RBFOX1: variants seen among roughly 807,000 people sequenced by gnomAD.
RBFOX1 encodes RNA binding protein fox-1 homolog 1.
Under a neutral mutation model 57.7 loss-of-function variants are expected in RBFOX1, and 8 were observed. The ratio of observed to expected loss-of-function variants is 0.14; its 90% CI spans 0.08 to 0.25. The LOEUF (loss-of-function observed/expected upper bound fraction) is 0.25. Among genes scored for constraint, RBFOX1 ranks in the 10% least tolerant of loss-of-function variants. The pLI, the probability that RBFOX1 is intolerant of heterozygous loss-of-function variation, is 1.00. For missense variants in RBFOX1, 611 were observed against 548.5 expected, an observed-to-expected ratio of 1.11 and a Z score of -1.14; for synonymous variants, 326 against 222.4, an observed-to-expected ratio of 1.47 and a Z score of -4.15.
chr16:5,837,834 C>A (rs910471789), intron 3 of RBFOX1, among the ~76,000 whole-genome samples: 2 of 152,078 alleles, frequency 1.3e-5, no homozygotes, highest in Non-Finnish European at 2.9e-5. Flanking sequence ...TAGTATTGAC[C>A]ATGCTTGGTG....
upstream of RBFOX1, among the ~76,000 whole-genome samples, chr16:6,014,323 G>A (rs893848985): frequency 6.6e-6 from 1 of 152,038 alleles, no homozygotes. Context: ...GGCAGGAGAG[G>A]AAAAGGAATG....
chr16:6,323,548 T>C (rs942828570), intron 2 of RBFOX1, among the ~76,000 whole-genome samples: 1 of 152,198 alleles, frequency 6.6e-6, no homozygotes, highest in Admixed American at 6.5e-5. Flanking sequence ...ACACTCTTTG[T>C]ACTTTCAAAT....
At chr16:6,808,255 G>GC (rs1216980606) in intron 3 of RBFOX1, among the ~76,000 whole-genome samples, 1 of 150,892 alleles carries the variant, frequency 6.6e-6, no homozygotes, top group African/African-American at 2.4e-5. Context: ...TTCTACTGAT[G>GC]CCCCATCACT....
At chr16:6,585,630 A>G (rs983148968) in intron 2 of RBFOX1, among the ~76,000 whole-genome samples, 16 of 152,156 alleles carry the variant, frequency 1.1e-4, no homozygotes, top group Non-Finnish European at 2.2e-4. Context: ...GGTTAGATCA[A>G]TGACATAGAC....
intron 1 of RBFOX1, among the ~76,000 whole-genome samples, chr16:6,082,996 GTGTT>G (rs753284977): frequency 9.0e-6 from 1 of 111,648 alleles, no homozygotes; most frequent in South Asian, 3.3e-4. Context: ...TTTTGTTTGT[GTGTT>G]TGTTTGTTTG....
intron 1 of RBFOX1, among the ~76,000 whole-genome samples, chr16:6,230,033 A>C (rs2097446945): frequency 6.6e-6 from 1 of 152,186 alleles, no homozygotes; most frequent in Admixed American, 6.5e-5. Context: ...ATCTCCTTTT[A>C]AGTCAAGACT....
At chr16:7,498,465 C>G (rs548510620) in intron 4 of RBFOX1, among the ~76,000 whole-genome samples, 2 of 151,370 alleles carry the variant, frequency 1.3e-5, no homozygotes, top group Non-Finnish European at 2.9e-5. Context: ...TTTATACTTT[C>G]TGGTAGCCAT....
At chr16:6,919,296 A>G (rs111916335) in intron 3 of RBFOX1, among the ~76,000 whole-genome samples, 2 of 152,090 alleles carry the variant, frequency 1.3e-5, no homozygotes, top group Admixed American at 6.6e-5. Flanking sequence ...CCCAAGAGGT[A>G]ATGTTTCTTG....
intron 4 of RBFOX1, among the ~76,000 whole-genome samples, chr16:7,110,203 AAG>A (rs2064438559): frequency 6.7e-6 from 1 of 150,002 alleles, no homozygotes; most frequent in East Asian, 2.0e-4. Context: ...AAAAAAAAAA[AAG>A]AAAAAATAGC....
chr16:7,322,467 T>A (rs2096558003), intron 4 of RBFOX1, among the ~76,000 whole-genome samples: 1 of 152,248 alleles, frequency 6.6e-6, no homozygotes, highest in African/African-American at 2.4e-5. Context: ...ATTTTGACTT[T>A]GCGCATGCCT....
intron 1 of RBFOX1, among the ~76,000 whole-genome samples, chr16:6,289,354 G>A (rs1021006983): frequency 2.0e-5 from 3 of 152,164 alleles, no homozygotes; most frequent in Non-Finnish European, 4.4e-5. Context: ...GTGATGCAAA[G>A]TATAATGCCC....
intron 14 of RBFOX1, among the ~76,000 whole-genome samples, chr16:7,706,629 A>G (rs565791936): frequency 2.6e-5 from 4 of 152,304 alleles, no homozygotes; most frequent in Non-Finnish European, 4.4e-5. Flanking sequence ...TTGAGGTAAC[A>G]CCTTGCCATA....
chr16:5,359,800 G>C (rs1451996758), intron 1 of RBFOX1, among the ~76,000 whole-genome samples: 1 of 152,146 alleles, frequency 6.6e-6, no homozygotes, highest in Non-Finnish European at 1.5e-5. Flanking sequence ...GGGAGTCATA[G>C]TTTAGCATTT....
chr16:5,358,398 A>G (rs887481806), intron 1 of RBFOX1, among the ~76,000 whole-genome samples: 1 of 152,056 alleles, frequency 6.6e-6, no homozygotes, highest in African/African-American at 2.4e-5. Flanking sequence ...ATGCATTTAA[A>G]ATTTTTTAAA....
chr16:5,408,211 A>G (rs568049484), intron 1 of RBFOX1, among the ~76,000 whole-genome samples: 1 of 152,300 alleles, frequency 6.6e-6, no homozygotes, highest in Admixed American at 6.5e-5. Context: ...TTATTATCCC[A>G]GCTTGGCAAA....
chr16:6,920,890 C>G (rs940733691), intron 3 of RBFOX1, among the ~76,000 whole-genome samples: 22 of 152,228 alleles, frequency 1.4e-4, no homozygotes, highest in African/African-American at 3.9e-4. Flanking sequence ...GTCACATTCA[C>G]TGATATCAGG....
intron 4 of RBFOX1, among the ~76,000 whole-genome samples, chr16:7,417,389 AAG>A (rs2098490521): frequency 2.0e-5 from 3 of 151,274 alleles, no homozygotes; most frequent in African/African-American, 7.3e-5. Context: ...AAAAAAAAAA[AAG>A]AGATGACCCC....
intron 2 of RBFOX1, chr16:6,483,210 G>T: frequency 8.3e-7 from 1 of 1,203,800 alleles, no homozygotes; most frequent in Non-Finnish European, 1.0e-6. Context: ...GAGGCCGGCC[G>T]GGGAAGCCGG....
intron 4 of RBFOX1, among the ~76,000 whole-genome samples, chr16:7,252,119 T>G (rs1305744952): frequency 6.6e-6 from 1 of 152,202 alleles, no homozygotes; most frequent in East Asian, 1.9e-4. Flanking sequence ...GGATTTATTT[T>G]CCAGCTCAGA....
Sources: allele counts gnomAD v4.1 joint callset (sites outside exome capture counted in the v4.1 genomes callset), GRCh38; gene constraint gnomAD v4.1.1; transcripts MANE v1.5; gene names NCBI Gene and HGNC (gene_info 2026-07-23, HGNC 2026-07-21).